DNHD1: variants seen among roughly 807,000 people sequenced by gnomAD.
DNHD1 encodes dynein heavy chain domain 1.
Under a neutral mutation model 458.1 loss-of-function variants are expected in DNHD1, and 383 were observed. The ratio of observed to expected loss-of-function variants is 0.84; its 90% CI spans 0.77 to 0.91. The LOEUF (loss-of-function observed/expected upper bound fraction) is 0.91. Among genes scored for constraint, DNHD1 ranks in the 40% least tolerant of loss-of-function variants. DNHD1 has a pLI of 0.00. For synonymous variants in DNHD1, 2,203 were observed against 2,376.9 expected (o/e 0.93, Z 2.13); for missense variants, 5,336 against 5,866.1 (o/e 0.91, Z 2.95).
In DNHD1 at chr11:6,498,111, C is replaced by A; in HGVS notation, c.-105C>A. Reference sequence around the variant, plus strand: ...TCCCTTCTCTGGCCCCTCTGCTGGGCTGGCCCATGCAGGTGAGGCCCCGCA... The same window carrying A: ...TCCCTTCTCTGGCCCCTCTGCTGGGATGGCCCATGCAGGTGAGGCCCCGCA... On this transcript the variant is annotated 5_prime_UTR_variant, in exon 3 of 43. In the 5' UTR this introduces an upstream ATG that the reference lacks. Coordinates refer to ENST00000254579, the MANE Select transcript of DNHD1 (RefSeq NM_144666.3). The A allele has an allele frequency of 6.7e-7, 1 of 1,495,324 alleles. No homozygotes were observed. Among genetic ancestry groups the A allele is most frequent in the Non-Finnish European group, 9.1e-7 (1 of 1,102,736 alleles). The allele number at this position is 1,495,324 out of a possible 1,614,324, so 92.6% of individuals were successfully genotyped here. A position where few individuals can be genotyped will look rare whatever the true frequency, so the allele number is the denominator to read the frequency against.
intron 14 of DNHD1, 76 bp downstream of exon 14, chr11:6,534,249 G>T: frequency 6.9e-7 from 1 of 1,448,626 alleles, no homozygotes; most frequent in Non-Finnish European, 9.2e-7. Context: ...GGAACTCAGG[G>T]TTCTGTGTCC....
At chr11:6,553,337 G>A (rs1853400558) in intron 24 of DNHD1, among the ~76,000 whole-genome samples, 1 of 152,136 alleles carries the variant, frequency 6.6e-6, no homozygotes, top group Non-Finnish European at 1.5e-5. Flanking sequence ...AGGAATAGAA[G>A]ATAACTTTCT....
rs1852073032 is a variant in DNHD1 at position 6,498,366 on chromosome 11, GAGTC to G, written c.154_157del (p.Glu53SerfsTer9). On this transcript the variant is annotated frameshift_variant, in exon 3 of 43. Transcript: ENST00000254579. LOFTEE classifies it high-confidence loss of function. ...GAGGCAGTTCGTGAAGCCAGTGACTGAGTCAGAGCAGCCCACAGTGCTGGAACTC... is the reference window on the plus strand; with the variant it reads ...GAGGCAGTTCGTGAAGCCAGTGACTGAGAGCAGCCCACAGTGCTGGAACTC... 6.2e-7 allele frequency: 1 copy of G among 1,614,106 alleles called. No homozygotes were observed. Among genetic ancestry groups the G allele is most frequent in the Admixed American group, 1.7e-5 (1 of 60,010 alleles).
Position 6,558,260 on chromosome 11 carries a change from G to A in DNHD1, c.8965G>A (p.Val2989Ile). 6.4e-7 allele frequency: 1 copy of A among 1,551,626 alleles called. No homozygotes were observed. The highest frequency in any genetic ancestry group is 8.7e-7 in the Non-Finnish European group (1 of 1,146,968). Residue 2989 changes from valine (V) to isoleucine (I), a missense_variant, in exon 25 of 43, where the codon GTC becomes ATC. Transcript: ENST00000254579. ...GEHLPRENLG[V>I]KQNIKKEMVL... is the part of the protein sequence containing the mutation. ...ACACCTCCCCAGGGAGAACCTTGGT[G>A]TCAAACAGAACATCAAGAAGGAAAT...
At chr11:6,569,971 T>G in intron 39 of DNHD1, 38 bp from the exon 40 acceptor site, 281 of 1,563,662 alleles carry the variant, frequency 1.8e-4, no homozygotes, top group Non-Finnish European at 2.3e-4. Context: ...AGCATATAGA[T>G]GATATGTGAA....
Position 6,563,374 on chromosome 11 carries a change from T to G in DNHD1, c.9670-8T>G, listed in dbSNP as rs1589895435. ...AGCTCACTTCAGAGGGTATCTCTCCTCATTTAGATGAGCAAGGCATTTCTG... is the reference window on the plus strand; with the variant it reads ...AGCTCACTTCAGAGGGTATCTCTCCGCATTTAGATGAGCAAGGCATTTCTG... On this transcript the variant is annotated splice_polypyrimidine_tract_variant and splice_region_variant and intron_variant, in intron 29 of 42. Transcript: ENST00000254579. The G allele has an allele frequency of 6.4e-7, 1 of 1,551,586 alleles. No homozygotes were observed. The highest frequency in any genetic ancestry group is 2.4e-5 in the East Asian group (1 of 40,912).
At chr11:6,558,799 C>G in intron 26 of DNHD1, 103 bp from the exon 27 acceptor site, 7 of 1,499,326 alleles carry the variant, frequency 4.7e-6, no homozygotes, top group Middle Eastern at 1.7e-4. Flanking sequence ...TACAGAGCCC[C>G]CTTCACATTT....
intron 4 of DNHD1, chr11:6,503,145 TG>T: frequency 4.0e-6 from 2 of 505,554 alleles, no homozygotes; most frequent in East Asian, 6.8e-5. Context: ...CACAGCCTTT[TG>T]TCTTACACAT....
chr11:6,547,920 T>G lies in DNHD1; in HGVS notation c.6785T>G (p.Phe2262Cys), dbSNP rs764600656. The G allele has an allele frequency of 7.1e-6, 11 of 1,551,750 alleles. No individual in the cohort carries two copies. The South Asian group carries it at 1.2e-4, about 17-fold the overall frequency. ...AGCTTCAGGTCTTCAAAAAGCAGCT[T>G]TCTAAACCGGTCCCAGGTTGACAGT... ...AQSFRSSKSSFLNRSQVDSDD... is the reference protein window; with the variant it reads ...AQSFRSSKSSCLNRSQVDSDD... Residue 2262 changes from phenylalanine to cysteine, a missense_variant, in exon 22 of 43, where the codon TTT becomes TGT. By Grantham distance (205) the Phe-to-Cys change is radical (BLOSUM62 -2). Around this residue, in one of 4 missense-constraint regions of DNHD1, gnomAD observed 3,932 missense variants for 4,365.6 expected, o/e 0.90. Transcript: ENST00000254579.
At position 6,519,833 on chromosome 11, in the gene DNHD1, T is replaced by TTTTG. The variant is rs1226067390; in HGVS notation, c.1628_1631dup (p.Ala545CysfsTer21). 1 of 1,612,610 alleles carries TTTTG rather than the reference T, an allele frequency of 6.2e-7. No homozygotes were observed. Among genetic ancestry groups the TTTTG allele is most frequent in the Admixed American group, 1.7e-5 (1 of 60,026 alleles). ...CTGTCTTGGAAGAGCAGATAACCTC[T>TTTTG]TTTGTGGCCAACATCCTTCAAGTGA... On this transcript the variant is annotated frameshift_variant, in exon 8 of 43. Coordinates refer to ENST00000254579, the MANE Select transcript of DNHD1 (RefSeq NM_144666.3). LOFTEE classifies it high-confidence loss of function.
Position 6,565,934 on chromosome 11 carries a change from GTT to G in DNHD1, c.10997_10998del (p.Val3666AlafsTer5), listed in dbSNP as rs766116360. On this transcript the variant is annotated frameshift_variant, in exon 33 of 43. Transcript: ENST00000254579. LOFTEE classifies it high-confidence loss of function. ...TQLPSLPYLS[V>X]LSGADPELGS... ...GCTTCCATCCCTTCCCTACCTTAGT[GTT>G]CTTTCAGGTGCTGACCCAGAGCTGG... The G allele has an allele frequency of 7.1e-6, 11 of 1,551,536 alleles. No individual in the cohort carries two copies. The African/African-American group carries it at 8.2e-5, about 12-fold the overall frequency.
In DNHD1 at chr11:6,557,704, G is replaced by T; in HGVS notation, c.8409G>T (p.Leu2803Phe). 1.9e-6 allele frequency: 3 copies of T among 1,551,718 alleles called. No individual in the cohort carries two copies. Among genetic ancestry groups the T allele is most frequent in the Non-Finnish European group, 2.6e-6 (3 of 1,147,000 alleles). ...KKPQMDLISP[L>F]LLPVLLLHPQ... is the part of the protein sequence containing the mutation. ...CCCAGATGGACCTGATCTCACCCTT[G>T]TTGTTACCAGTGTTACTACTACATC... The change falls in exon 25 of 43, where the codon TTG becomes TTT. Residue 2803 changes from leucine to phenylalanine, a missense_variant. Around this residue, in one of 4 missense-constraint regions of DNHD1, gnomAD observed 3,932 missense variants for 4,365.6 expected, o/e 0.90. Transcript: ENST00000254579.
At position 6,519,494 on chromosome 11, in the gene DNHD1, A is replaced by G. The variant is rs1482124372; in HGVS notation, c.1393-106A>G. 2.2e-5 allele frequency: 28 copies of G among 1,267,306 alleles called. No individual in the cohort carries two copies. In the East Asian group the frequency reaches 6.0e-4, roughly 27 times the overall value. The allele number at this position is 1,267,306 out of a possible 1,614,324, so 78.5% of individuals were successfully genotyped here. A position where few individuals can be genotyped will look rare whatever the true frequency, so the allele number is the denominator to read the frequency against. Reference sequence around the variant, plus strand: ...AAAGGAGCCCTCCATATGTATATCTAGGTTCTAGGTCCCAGACTCCAAGAC... The same window carrying G: ...AAAGGAGCCCTCCATATGTATATCTGGGTTCTAGGTCCCAGACTCCAAGAC... On this transcript the variant is annotated intron_variant, in intron 7 of 42. Coordinates refer to ENST00000254579, the MANE Select transcript of DNHD1 (RefSeq NM_144666.3).
intron 33 of DNHD1, 85 bp from the exon 34 acceptor site, chr11:6,566,156 T>C (rs1853690548): frequency 6.6e-7 from 1 of 1,511,406 alleles, no homozygotes; most frequent in South Asian, 1.3e-5. Context: ...ACAGGGAAGC[T>C]GGTCAGAGCC....
rs377282529 is a variant in DNHD1 at position 6,556,647 on chromosome 11, T to C, written c.7388-36T>C. On this transcript the variant is annotated intron_variant, in intron 24 of 42. Transcript: ENST00000254579. ...CAGGTTGATACTCTCATGTGGACTTTTACATGTCCTCATTATTATTCCTCA... is the reference window on the plus strand; with the variant it reads ...CAGGTTGATACTCTCATGTGGACTTCTACATGTCCTCATTATTATTCCTCA... The C allele has an allele frequency of 1.8e-4, 262 of 1,496,620 alleles. No homozygotes were observed. The African/African-American group carries it at 2.9e-3, about 17-fold the overall frequency. The allele number at this position is 1,496,620 out of a possible 1,614,324, so 92.7% of individuals were successfully genotyped here.
chr11:6,557,909 G>T lies in DNHD1; in HGVS notation c.8614G>T (p.Val2872Leu). 1 of 1,551,266 alleles carries T rather than the reference G, an allele frequency of 6.4e-7. No homozygotes were observed. Among genetic ancestry groups the T allele is most frequent in the Non-Finnish European group, 8.7e-7 (1 of 1,146,944 alleles). Residue 2872 changes from valine (V) to leucine (L), a missense_variant, in exon 25 of 43, where the codon GTG becomes TTG. By Grantham distance (32) the Val-to-Leu change is conservative (BLOSUM62 1). Around this residue, in one of 4 missense-constraint regions of DNHD1, gnomAD observed 3,932 missense variants for 4,365.6 expected, o/e 0.90. Transcript: ENST00000254579. The part of the protein sequence containing the change: ...LARCHSMAQH[V>L]ARLVRVLARP... Reference sequence around the variant, plus strand: ...CCGGTGTCATTCCATGGCCCAGCACGTGGCCCGCCTGGTCCGGGTGCTGGC... The same window carrying T: ...CCGGTGTCATTCCATGGCCCAGCACTTGGCCCGCCTGGTCCGGGTGCTGGC...
In DNHD1 at chr11:6,558,121, T is replaced by G; in HGVS notation, c.8826T>G (p.Ala2942=). The G allele has an allele frequency of 6.4e-7, 1 of 1,551,676 alleles. No individual in the cohort carries two copies. Among genetic ancestry groups the G allele is most frequent in the Non-Finnish European group, 8.7e-7 (1 of 1,146,984 alleles). The change falls in exon 25 of 43, where the codon GCT becomes GCG. Residue 2942 remains alanine (A), a synonymous_variant. Transcript: ENST00000254579. Reference sequence around the variant, plus strand: ...CTGGCATGTTAAGCCAGCCAGTGGCTCTGTTGGTACCCAGTGGTGTGGATC... The same window carrying G: ...CTGGCATGTTAAGCCAGCCAGTGGCGCTGTTGGTACCCAGTGGTGTGGATC... The part of the protein sequence containing the change: ...WHAGMLSQPV[A]LLVPSGVDLT...
At chr11:6,517,586 T>C (rs965513773) in intron 7 of DNHD1, among the ~76,000 whole-genome samples, 2 of 146,834 alleles carry the variant, frequency 1.4e-5, no homozygotes, top group African/African-American at 4.9e-5. Flanking sequence ...CGTATGAACC[T>C]GGGGACATTA....
Position 6,533,955 on chromosome 11 carries a change from T to C in DNHD1, c.2780T>C (p.Leu927Pro). The part of the protein sequence containing the change: ...FEKSQASEFL[L>P]SKRHAIMPKL... ...AAAAGCCAGGCTTCAGAGTTCCTGCTCAGCAAGCGACATGCCATTATGCCC... is the reference window on the plus strand; with the variant it reads ...AAAAGCCAGGCTTCAGAGTTCCTGCCCAGCAAGCGACATGCCATTATGCCC... The change falls in exon 14 of 43, where the codon CTC becomes CCC. Residue 927 changes from leucine to proline, a missense_variant. This residue lies in a region of DNHD1 where 3,932 missense variants were observed against 4,365.6 expected (regional missense o/e 0.90). Coordinates refer to ENST00000254579, the MANE Select transcript of DNHD1 (RefSeq NM_144666.3). 1 of 1,551,254 alleles carries C rather than the reference T, an allele frequency of 6.4e-7. No individual in the cohort carries two copies. The highest frequency in any genetic ancestry group is 8.7e-7 in the Non-Finnish European group (1 of 1,146,890).
Sources: gnomAD v4.1 joint callset for allele counts (sites outside exome capture counted in the v4.1 genomes callset) on GRCh38, gnomAD v4.1.1 for gene constraint, gnomAD v4.1.1 regional missense constraint, MANE v1.5 for transcripts, NCBI Gene and HGNC (gene_info 2026-07-23, HGNC 2026-07-21) for gene names.